LINGO2: variants seen among roughly 807,000 people sequenced by gnomAD.
The protein encoded by LINGO2 is leucine rich repeat and Ig domain containing 2.
A neutral mutation model predicts 30.6 loss-of-function variants in LINGO2; 14 were observed. The ratio of observed to expected loss-of-function variants is 0.46; its 90% CI spans 0.30 to 0.72. LINGO2 has a LOEUF of 0.72. LINGO2 is among the 30% of genes least tolerant of loss of function. The pLI, the probability that LINGO2 is intolerant of heterozygous loss-of-function variation, is 0.07. For synonymous variants in LINGO2, 317 were observed against 288.5 expected (o/e 1.10, Z -1.00); for missense variants, 729 against 751.7 (o/e 0.97, Z 0.35).
intron 2 of LINGO2, among the ~76,000 whole-genome samples, chr9:28,447,963 AT>A (rs1824495097): frequency 6.6e-6 from 1 of 152,112 alleles, no homozygotes; most frequent in Non-Finnish European, 1.5e-5. Context: ...TAATTTGCTG[AT>A]TTTAATTGAT....
At chr9:28,078,613 G>T (rs1338375381) in intron 4 of LINGO2, among the ~76,000 whole-genome samples, 4 of 148,414 alleles carry the variant, frequency 2.7e-5, no homozygotes, top group Non-Finnish European at 5.9e-5. Context: ...CACTTTGGGA[G>T]GCTGAGGCGG....
the LINGO2 span, among the ~76,000 whole-genome samples, chr9:28,964,985 A>G: frequency 6.6e-6 from 1 of 151,858 alleles, no homozygotes; most frequent in African/African-American, 2.4e-5. Flanking sequence ...TATAAAAAAT[A>G]TACAATTTTA....
At chr9:28,919,079 T>C in the LINGO2 span, among the ~76,000 whole-genome samples, 484 of 152,330 alleles carry the variant, frequency 3.2e-3, no homozygotes, top group African/African-American at 0.01. Flanking sequence ...CATTCCTTTG[T>C]TGCTTACCTT....
At chr9:28,011,796 G>T (rs1319083953) in intron 5 of LINGO2, among the ~76,000 whole-genome samples, 1 of 152,144 alleles carries the variant, frequency 6.6e-6, no homozygotes, top group African/African-American at 2.4e-5. Context: ...TGTTATTCCT[G>T]GCAAGAGAAG....
intron 3 of LINGO2, among the ~76,000 whole-genome samples, chr9:28,302,056 T>G (rs1333912668): frequency 6.6e-6 from 1 of 152,176 alleles, no homozygotes; most frequent in Non-Finnish European, 1.5e-5. Context: ...CAGACCTGCC[T>G]TATAAGATAT....
At chr9:29,196,517 G>A in the LINGO2 span, among the ~76,000 whole-genome samples, 1 of 151,924 alleles carries the variant, frequency 6.6e-6, no homozygotes. Flanking sequence ...TTCTCACCTT[G>A]CAAAATGGTT....
chr9:28,360,244 G>C (rs892934986), intron 3 of LINGO2, among the ~76,000 whole-genome samples: 16 of 152,124 alleles, frequency 1.1e-4, no homozygotes, highest in African/African-American at 3.9e-4. Context: ...ACTTTCAGAT[G>C]CTAGAGCACT....
the LINGO2 span, among the ~76,000 whole-genome samples, chr9:28,919,729 T>C: frequency 8.7e-6 from 1 of 115,338 alleles, no homozygotes; most frequent in African/African-American, 3.2e-5. Flanking sequence ...CAGTGATATA[T>C]TTTCTTTATA....
At chr9:29,004,966 A>C in the LINGO2 span, among the ~76,000 whole-genome samples, 2 of 151,968 alleles carry the variant, frequency 1.3e-5, no homozygotes, top group Admixed American at 1.3e-4. Context: ...GTAAACATTA[A>C]ATGAGTTAAT....
At chr9:28,289,203 G>A (rs1296186494) in intron 4 of LINGO2, among the ~76,000 whole-genome samples, 1 of 152,066 alleles carries the variant, frequency 6.6e-6, no homozygotes, top group Non-Finnish European at 1.5e-5. Flanking sequence ...TCATACAACA[G>A]AGAACAAAAA....
chr9:28,298,237 T>G (rs1823997720), intron 3 of LINGO2, among the ~76,000 whole-genome samples: 1 of 152,134 alleles, frequency 6.6e-6, no homozygotes, highest in Non-Finnish European at 1.5e-5. Context: ...TGACTTTTTT[T>G]TACTAAAATC....
intron 4 of LINGO2, among the ~76,000 whole-genome samples, chr9:28,156,670 C>T (rs1426029177): frequency 6.6e-6 from 1 of 152,198 alleles, no homozygotes; most frequent in Non-Finnish European, 1.5e-5. Flanking sequence ...ATCCCTTCCA[C>T]CTATGAGCCT....
At chr9:28,156,602 C>G (rs1564007298) in intron 4 of LINGO2, among the ~76,000 whole-genome samples, 1 of 152,212 alleles carries the variant, frequency 6.6e-6, no homozygotes, top group East Asian at 1.9e-4. Context: ...AAAGTCTTAA[C>G]TCATTTCAGC....
chr9:29,171,314 C>A, the LINGO2 span, among the ~76,000 whole-genome samples: 2 of 152,052 alleles, frequency 1.3e-5, no homozygotes, highest in South Asian at 4.1e-4. Context: ...GAGATCCTCT[C>A]TGAGAATAAG....
the LINGO2 span, among the ~76,000 whole-genome samples, chr9:28,803,391 G>A: frequency 6.6e-6 from 1 of 151,484 alleles, no homozygotes; most frequent in African/African-American, 2.4e-5. Context: ...ATTTATTCTG[G>A]ATCACAGCAA....
intron 1 of LINGO2, among the ~76,000 whole-genome samples, chr9:28,485,707 T>A (rs1229739795): frequency 6.6e-6 from 1 of 152,036 alleles, no homozygotes; most frequent in Non-Finnish European, 1.5e-5. Flanking sequence ...TGAAACATGG[T>A]TGCTGAAACC....
chr9:29,092,356 C>T, the LINGO2 span, among the ~76,000 whole-genome samples: 2 of 151,626 alleles, frequency 1.3e-5, no homozygotes, highest in African/African-American at 4.8e-5. Context: ...CCATCGTATC[C>T]CCAAAAAAGG....
At chr9:28,933,307 A>T in the LINGO2 span, among the ~76,000 whole-genome samples, 1 of 152,334 alleles carries the variant, frequency 6.6e-6, no homozygotes, top group Admixed American at 6.5e-5. Context: ...GGGTTCCCCA[A>T]AATCCTTAGT....
intron 1 of LINGO2, among the ~76,000 whole-genome samples, chr9:28,535,475 A>AG (rs1242961282): frequency 1.3e-5 from 2 of 152,146 alleles, no homozygotes; most frequent in Non-Finnish European, 2.9e-5. Flanking sequence ...TGGGGATGCT[A>AG]GGTAAAGGAA....
Sources: allele counts gnomAD v4.1 joint callset (sites outside exome capture counted in the v4.1 genomes callset), GRCh38; gene constraint gnomAD v4.1.1; transcripts MANE v1.5; gene names NCBI Gene and HGNC (gene_info 2026-07-23, HGNC 2026-07-21).